The following BORCS5 variants were observed in gnomAD, a reference collection of about 807,000 sequenced individuals.
The protein encoded by BORCS5 is BLOC-1-related complex subunit 5.
In BORCS5, 17 loss-of-function variants were observed where a neutral mutation model predicts 22.1. The ratio of observed to expected loss-of-function variants is 0.77; its 90% confidence interval spans 0.53 to 1.15. The LOEUF is 1.15. Among genes scored for constraint, BORCS5 ranks in the 50% most tolerant of loss-of-function variants. The probability of loss-of-function intolerance (pLI) is 0.00; values close to 1 mark genes in which losing one functional copy is unlikely to be tolerated. For missense variants in BORCS5, 247 were observed against 253.2 expected, an observed-to-expected ratio of 0.98 and a Z score of 0.17; for synonymous variants, 117 against 99.8, an observed-to-expected ratio of 1.17 and a Z score of -1.03.
chr12:12,389,516 G>A (rs908649213), intron 2 of BORCS5, among the ~76,000 whole-genome samples: 1 of 142,378 alleles, frequency 7.0e-6, no homozygotes, highest in Non-Finnish European at 1.6e-5. Flanking sequence ...AAGCCCAACT[G>A]AAGTTATGTG....
intron 2 of BORCS5, among the ~76,000 whole-genome samples, chr12:12,415,642 G>GT (rs1941926723): frequency 6.7e-6 from 1 of 148,192 alleles, no homozygotes; most frequent in South Asian, 2.2e-4. Context: ...ATTGATTTTC[G>GT]TGTGTTGAAT....
intron 2 of BORCS5, among the ~76,000 whole-genome samples, chr12:12,415,573 G>GGGAAGGGGAGGGGGAGGA: frequency 1.8e-5 from 2 of 113,946 alleles, no homozygotes; most frequent in African/African-American, 6.4e-5. Context: ...GAGGGGGAGG[G>GGGAAGGGGAGGGGGAGGA]GGAGGGGCGA....
At chr12:12,445,883 G>T (rs1461595127) in intron 3 of BORCS5, among the ~76,000 whole-genome samples, 1 of 150,084 alleles carries the variant, frequency 6.7e-6, no homozygotes, top group South Asian at 2.1e-4. Context: ...GCCTCAAGCA[G>T]TCCTCCCACA....
chr12:12,383,158 AGTT>A lies in BORCS5; in HGVS notation c.202+21813_202+21815del, dbSNP rs200669764. On this transcript the variant is annotated intron_variant, in intron 2 of 3. Transcript: ENST00000314565. ...TTTTTTTTAACTATGTATTTTTTGGAGTTGTTTTCTTAGCAGTTGCTGTAGGGA... is the reference window on the plus strand; with the variant it reads ...TTTTTTTTAACTATGTATTTTTTGGAGTTTTCTTAGCAGTTGCTGTAGGGA... 3.3e-3 allele frequency among the ~76,000 whole-genome samples: 489 copies of A among 149,636 alleles called. 13 individuals are homozygous for A. Among genetic ancestry groups the A allele is most frequent in the African/African-American group, 0.01 (414 of 40,672 alleles).
chr12:12,435,903 A>G (rs1408384943), intron 3 of BORCS5, 118 bp downstream of exon 3: 2 of 1,015,664 alleles, frequency 2.0e-6, no homozygotes, highest in Non-Finnish European at 2.8e-6. Context: ...GCTTTTTCCC[A>G]GCAGTAAAAT....
rs184917461 is a variant in BORCS5, at chr12:12,449,847, G to C, written c.360+14062G>C. Among the ~76,000 whole-genome samples, 1,165 of 152,300 alleles carry C rather than the reference G, an allele frequency of 7.6e-3. 5 individuals are homozygous for C. Among genetic ancestry groups the C allele is most frequent in the Non-Finnish European group, 0.012 (837 of 68,020 alleles). On this transcript the variant is annotated intron_variant, in intron 3 of 3. Coordinates refer to ENST00000314565, the MANE Select transcript of BORCS5 (RefSeq NM_058169.6). Reference sequence around the variant, plus strand: ...TAATAAGGAGCCGGGGAAGGTTTACGTAATTCAGAAGGAAGCAGACGTGTG... The same window carrying C: ...TAATAAGGAGCCGGGGAAGGTTTACCTAATTCAGAAGGAAGCAGACGTGTG...
intron 2 of BORCS5, among the ~76,000 whole-genome samples, chr12:12,405,033 C>G (rs924630900): frequency 4.6e-5 from 7 of 152,172 alleles, no homozygotes; most frequent in African/African-American, 1.7e-4. Flanking sequence ...TACGAGGCAC[C>G]ATACACACTT....
At chr12:12,463,421 C>T (rs1308482782) in intron 3 of BORCS5, among the ~76,000 whole-genome samples, 1 of 152,150 alleles carries the variant, frequency 6.6e-6, no homozygotes, top group Non-Finnish European at 1.5e-5. Context: ...AATGCAGTGC[C>T]ACGTGCCAAC....
At position 12,412,230 on chromosome 12, in the gene BORCS5, A is replaced by G. The variant is rs572637935; in HGVS notation, c.203-23398A>G. Among the ~76,000 whole-genome samples the G allele has an allele frequency of 2.0e-5, 3 of 152,318 alleles. No individual in the cohort carries two copies. In the South Asian group the frequency reaches 6.2e-4, roughly 32 times the overall value. On this transcript the variant is annotated intron_variant, in intron 2 of 3. Transcript: ENST00000314565. ...TTGGTAATATTGACATCTTAATATT[A>G]AATCTTCCAATCAATGACTATGGGG...
intron 2 of BORCS5, among the ~76,000 whole-genome samples, chr12:12,421,855 T>A (rs1301519031): frequency 6.6e-6 from 1 of 152,222 alleles, no homozygotes; most frequent in African/African-American, 2.4e-5. Flanking sequence ...GTTTATAGTG[T>A]TCTCTGATGA....
intron 3 of BORCS5, among the ~76,000 whole-genome samples, chr12:12,439,250 G>A (rs757804632): frequency 6.6e-6 from 1 of 152,194 alleles, no homozygotes; most frequent in Non-Finnish European, 1.5e-5. Context: ...GTGGGATGTT[G>A]GGTATTGGTA....
chr12:12,380,058 A>G (rs1354584464), intron 2 of BORCS5, among the ~76,000 whole-genome samples: 1 of 151,232 alleles, frequency 6.6e-6, no homozygotes, highest in African/African-American at 2.4e-5. Context: ...AGCCGGGGGA[A>G]TGATTGGTCC....
chr12:12,436,849 T>C (rs1271880026), intron 3 of BORCS5, among the ~76,000 whole-genome samples: 1 of 152,242 alleles, frequency 6.6e-6, no homozygotes, highest in Non-Finnish European at 1.5e-5. Context: ...GGTTAAATAC[T>C]ATTATTTGGA....
At chr12:12,422,919 A>G (rs1202347994) in intron 2 of BORCS5, among the ~76,000 whole-genome samples, 1 of 151,644 alleles carries the variant, frequency 6.6e-6, no homozygotes, top group African/African-American at 2.4e-5. Flanking sequence ...AAGTGGAGCT[A>G]CAAACCATGG....
intron 1 of BORCS5, among the ~76,000 whole-genome samples, chr12:12,358,987 G>A (rs1863213080): frequency 6.6e-6 from 1 of 152,168 alleles, no homozygotes; most frequent in Non-Finnish European, 1.5e-5. Context: ...ATTAACCTTT[G>A]AGATATGACT....
rs116526948 is a variant in BORCS5 at position 12,383,500 on chromosome 12, C to T, written c.202+22151C>T. On this transcript the variant is annotated intron_variant, in intron 2 of 3. Transcript: ENST00000314565. The stretch of plus-strand genomic sequence containing the variant: ...TCTTCTTGGACTTCAGGTCCCCAAC[C>T]GTTGTCACTTCCTTTTACCCTGAAA... Among the ~76,000 whole-genome samples the T allele has an allele frequency of 2.0e-3, 303 of 151,416 alleles. 9 individuals are homozygous for T. Among genetic ancestry groups the T allele is most frequent in the African/African-American group, 7.1e-3 (293 of 41,288 alleles).
rs1036851672 is a variant in BORCS5, at chr12:12,466,546, T to C, written c.*770T>C. ...TGTGCCAGGGATACAAATATGGCCG[T>C]ATAGCCTCAGGCCTTCATTTCTGAA... is the stretch of plus-strand genomic sequence containing the variant. On this transcript the variant is annotated 3_prime_UTR_variant, in exon 4 of 4. Transcript: ENST00000314565. 1.3e-5 allele frequency: 2 copies of C among 152,204 alleles called. No individual in the cohort carries two copies. The highest frequency in any genetic ancestry group is 4.8e-5 in the African/African-American group (2 of 41,438). 9.4% of individuals were successfully genotyped at this position (152,204 alleles called of 1,614,324 possible).
chr12:12,441,328 C>G lies in BORCS5; in HGVS notation c.360+5543C>G, dbSNP rs558371186. Among the ~76,000 whole-genome samples, 8 of 152,288 alleles carry G rather than the reference C, an allele frequency of 5.3e-5. No homozygotes were observed. The South Asian group carries it at 1.7e-3, about 32-fold the overall frequency. On this transcript the variant is annotated intron_variant, in intron 3 of 3. Transcript: ENST00000314565. ...GGCAGAATGGTTCTGAGCGTAAACT[C>G]CAGAGCCACACTGCCAAGGTTCAAT...
chr12:12,387,791 G>C (rs1863914756), intron 2 of BORCS5, among the ~76,000 whole-genome samples: 1 of 151,366 alleles, frequency 6.6e-6, no homozygotes, highest in African/African-American at 2.4e-5. Flanking sequence ...ATAGTTTTTG[G>C]ACCTTCAGTG....
Sources: gnomAD v4.1 joint callset for allele counts (sites outside exome capture counted in the v4.1 genomes callset) on GRCh38, gnomAD v4.1.1 for gene constraint, MANE v1.5 for transcripts, NCBI Gene and HGNC (gene_info 2026-07-23, HGNC 2026-07-21) for gene names.